TULP4: variants seen among roughly 807,000 people sequenced by gnomAD.
TULP4 encodes the protein TUB like protein 4.
TULP4 carries 16 observed loss-of-function variants against 129.0 expected under a neutral mutation model. That is an observed-to-expected ratio of 0.12 (90% CI 0.08 to 0.19). TULP4 has a LOEUF of 0.19. Among genes scored for constraint, TULP4 ranks in the 10% least tolerant of loss-of-function variants. The pLI, the probability that TULP4 is intolerant of heterozygous loss-of-function variation, is 1.00. For synonymous variants in TULP4, 998 were observed against 854.0 expected (o/e 1.17, Z -2.94); for missense variants, 1,842 against 2,059.1 (o/e 0.89, Z 2.04).
At chr6:158,314,861 T>C (rs1779453478) in intron 1 of TULP4, among the ~76,000 whole-genome samples, 2 of 152,256 alleles carry the variant, frequency 1.3e-5, no homozygotes, top group Admixed American at 1.3e-4. Context: ...CATATATTTG[T>C]ACATGTAGAT....
chr6:158,389,772 A>T (rs1399307290), intron 1 of TULP4, among the ~76,000 whole-genome samples: 1 of 152,148 alleles, frequency 6.6e-6, no homozygotes, highest in East Asian at 1.9e-4. Flanking sequence ...CATCATTTGC[A>T]GAGAGACCCT....
At chr6:158,346,473 A>G (rs974393839) in intron 1 of TULP4, among the ~76,000 whole-genome samples, 9 of 152,230 alleles carry the variant, frequency 5.9e-5, no homozygotes, top group Admixed American at 5.9e-4. Flanking sequence ...CGTATGCACT[A>G]GGAAACCAAA....
At chr6:158,352,689 C>T (rs1468889587) in intron 1 of TULP4, among the ~76,000 whole-genome samples, 1 of 152,224 alleles carries the variant, frequency 6.6e-6, no homozygotes, top group Admixed American at 6.5e-5. Context: ...GCCACCGTGC[C>T]TGGCCCCGAT....
chr6:158,432,444 C>T (rs1778652706), intron 3 of TULP4, among the ~76,000 whole-genome samples: 1 of 152,136 alleles, frequency 6.6e-6, no homozygotes, highest in African/African-American at 2.4e-5. Context: ...TTCCTGCTTC[C>T]CTGAGAACTT....
At chr6:158,315,502 A>C (rs1254724532) in intron 1 of TULP4, among the ~76,000 whole-genome samples, 1 of 152,186 alleles carries the variant, frequency 6.6e-6, no homozygotes, top group Non-Finnish European at 1.5e-5. Flanking sequence ...AAGGTGCACT[A>C]AACTTAACTC....
chr6:158,487,403 G>A (rs1262472800), intron 8 of TULP4, among the ~76,000 whole-genome samples: 1 of 152,020 alleles, frequency 6.6e-6, no homozygotes, highest in Non-Finnish European at 1.5e-5. Context: ...TAATGTCACT[G>A]CATTGCACTC....
At chr6:158,348,173 G>GTTTTTTTTTTTTGTTTAGTTTT (rs1780360145) in intron 1 of TULP4, among the ~76,000 whole-genome samples, 1 of 112,170 alleles carries the variant, frequency 8.9e-6, no homozygotes, top group Non-Finnish European at 1.7e-5. Flanking sequence ...TTTTTTTAAG[G>GTTTTTTTTTTTTGTTTAGTTTT]TTTTTTTTTT....
chr6:158,403,897 C>T (rs1583840422), intron 1 of TULP4, among the ~76,000 whole-genome samples: 1 of 152,192 alleles, frequency 6.6e-6, no homozygotes, highest in Non-Finnish European at 1.5e-5. Flanking sequence ...GGAACTGCAT[C>T]TAGGTTTGAG....
chr6:158,503,566 C>T lies in TULP4; in HGVS notation c.3903C>T (p.Ser1301=), dbSNP rs1780524426. 2 of 1,613,986 alleles carry T rather than the reference C, an allele frequency of 1.2e-6. No homozygotes were observed. The highest frequency in any genetic ancestry group is 2.2e-5 in the South Asian group (2 of 91,076). ...CCCCACCACCTGCCGACCTCCAAAG[C>T]CACTTGGGCACAGAGGTGATGGTAG... ...LVSPPPADLQ[S]HLGTEVMVET... Residue 1301 remains serine, a synonymous_variant, in exon 13 of 14, where the codon AGC becomes AGT. Transcript: ENST00000367097. The surrounding 1 kb of genome is among the most constrained non-coding windows in gnomAD (Gnocchi z 4.3).
intron 1 of TULP4, among the ~76,000 whole-genome samples, chr6:158,408,247 G>A (rs925001909): frequency 1.3e-5 from 2 of 152,176 alleles, no homozygotes; most frequent in Non-Finnish European, 2.9e-5. Flanking sequence ...CTCACCAGGC[G>A]GCAAGGGGCA....
chr6:158,505,193 G>A (rs780233532), intron 13 of TULP4, among the ~76,000 whole-genome samples: 2 of 152,158 alleles, frequency 1.3e-5, no homozygotes, highest in African/African-American at 2.4e-5. Context: ...AGCCCAGAAG[G>A]GTTGCTCTGT....
chr6:158,275,556 C>G (rs1778630551), intron 1 of TULP4, among the ~76,000 whole-genome samples: 1 of 152,162 alleles, frequency 6.6e-6, no homozygotes. Flanking sequence ...TCTCAATGCC[C>G]ATTCTAACCC....
At chr6:158,478,952 G>A (rs538829148) in intron 6 of TULP4, among the ~76,000 whole-genome samples, 32 of 152,124 alleles carry the variant, frequency 2.1e-4, no homozygotes, top group Non-Finnish European at 4.0e-4. Context: ...TCCCTGCACC[G>A]TCAGTGCCAA....
chr6:158,282,893 G>T (rs922432831), intron 1 of TULP4: 5 of 152,086 alleles, frequency 3.3e-5, no homozygotes, highest in African/African-American at 1.2e-4. Context: ...TGTAATCCCA[G>T]TAATTTAGGA....
At chr6:158,475,894 TAAC>T (rs1447899783) in intron 6 of TULP4, among the ~76,000 whole-genome samples, 1 of 152,188 alleles carries the variant, frequency 6.6e-6, no homozygotes, top group African/African-American at 2.4e-5. Context: ...AGGGAAAAAT[TAAC>T]ACCAGCAGAA....
chr6:158,288,198 C>T (rs1778862399), intron 1 of TULP4, among the ~76,000 whole-genome samples: 1 of 152,126 alleles, frequency 6.6e-6, no homozygotes, highest in Admixed American at 6.5e-5. Context: ...TATGAAATCA[C>T]CTTTAATAAT....
At chr6:158,300,750 A>G (rs112566257) in intron 1 of TULP4, among the ~76,000 whole-genome samples, 3,468 of 152,342 alleles carry the variant, frequency 0.023, 60 homozygotes, top group Middle Eastern at 0.054. Context: ...AGGAGCTAAC[A>G]TGAGTCACAT....
At chr6:158,294,077 C>T (rs868375868) in intron 1 of TULP4, among the ~76,000 whole-genome samples, 69 of 152,226 alleles carry the variant, frequency 4.5e-4, no homozygotes, top group African/African-American at 1.4e-3. Context: ...AGAAGCAGGT[C>T]ATCGGGCCAG....
chr6:158,307,550 C>T (rs939739782), upstream of TULP4, among the ~76,000 whole-genome samples: 10 of 151,568 alleles, frequency 6.6e-5, no homozygotes, highest in African/African-American at 1.7e-4. Context: ...GGTGTGATGT[C>T]GGCTCACTGC....
Sources: allele counts gnomAD v4.1 joint callset (sites outside exome capture counted in the v4.1 genomes callset), GRCh38; gene constraint gnomAD v4.1.1; non-coding constraint Gnocchi (gnomAD v3.1); transcripts MANE v1.5; gene names NCBI Gene and HGNC (gene_info 2026-07-23, HGNC 2026-07-21).